Variants in UGT2B28 observed in about 807,000 individuals in gnomAD.
UGT2B28 encodes the protein UDP glucuronosyltransferase family 2 member B28.
Under a neutral mutation model 43.6 loss-of-function variants are expected in UGT2B28, and 45 were observed. The observed-to-expected ratio is 1.03, with a 90% CI of 0.81 to 1.32. UGT2B28 has a LOEUF of 1.32. Ranked by LOEUF, UGT2B28 falls within the 40% of genes most tolerant of loss-of-function variation. The pLI is 0.00. For missense variants in UGT2B28, 649 were observed against 625.5 expected, an observed-to-expected ratio of 1.04 and a Z score of -0.40; for synonymous variants, 204 against 208.1, an observed-to-expected ratio of 0.98 and a Z score of 0.17.
chr4:69,287,467 A>G lies in UGT2B28; in HGVS notation c.1002+584A>G, dbSNP rs1169272224. On this transcript the variant is annotated intron_variant, in intron 3 of 5. Coordinates refer to ENST00000335568, the MANE Select transcript of UGT2B28 (RefSeq NM_053039.2). ...TGGAAGCTCTTGGTGAATGTTTACA[A>G]TTAAGGAATGTACTATTTCTGTTTG... Among the ~76,000 whole-genome samples, 2 of 140,986 alleles carry G rather than the reference A, an allele frequency of 1.4e-5. 1 individual carries two copies. Among genetic ancestry groups the G allele is most frequent in the African/African-American group, 5.5e-5 (2 of 36,116 alleles). 92.5% of individuals were successfully genotyped at this position (140,986 alleles called of 152,430 possible).
rs1281100507 is a variant in UGT2B28, at chr4:69,292,193, A to G, written c.1310+1382A>G. On this transcript the variant is annotated intron_variant, in intron 5 of 5. Coordinates refer to ENST00000335568, the MANE Select transcript of UGT2B28 (RefSeq NM_053039.2). ...TTTTTGATGATGGTCTTTGAAGCAC[A>G]AAAAATATAATTTTAAGTTAAAGTT... Among the ~76,000 whole-genome samples, 20 of 140,432 alleles carry G rather than the reference A, an allele frequency of 1.4e-4. 3 individuals carry two copies. The highest frequency in any genetic ancestry group is 1.4e-3 in the Admixed American group (19 of 14,006). 92.1% of individuals were successfully genotyped at this position (140,432 alleles called of 152,430 possible).
rs149950581 is a variant in UGT2B28 at position 69,280,985 on chromosome 4, C to A, written c.485C>A (p.Ala162Glu). Residue 162 changes from alanine (A) to glutamate (E), a missense_variant, in exon 1 of 6, where the codon GCG (alanine) becomes GAG (glutamate). Transcript: ENST00000335568. ...TTTCCTTGTGGTGAGCTGCTGGCTGCGCTACTTAACATACCGTTTGTGTAC... is the reference window on the plus strand; with the variant it reads ...TTTCCTTGTGGTGAGCTGCTGGCTGAGCTACTTAACATACCGTTTGTGTAC... ...AFFPCGELLA[A>E]LLNIPFVYSL... is the part of the protein sequence containing the mutation. The A allele has an allele frequency of 7.9e-5, 123 of 1,559,802 alleles. 23 individuals carry two copies. The African/African-American group carries it at 1.5e-3, about 19-fold the overall frequency.
chr4:69,294,880 A>C lies in UGT2B28; in HGVS notation c.*71A>C, dbSNP rs1295452014. 7.1e-7 allele frequency: 1 copy of C among 1,406,806 alleles called. No individual in the cohort carries two copies. Among genetic ancestry groups the C allele is most frequent in the African/African-American group, 1.6e-5 (1 of 61,052 alleles). The allele number at this position is 1,406,806 out of a possible 1,614,324, so 87.1% of individuals were successfully genotyped here. A position where few individuals can be genotyped will look rare whatever the true frequency, so the allele number is the denominator to read the frequency against. The stretch of plus-strand genomic sequence containing the variant: ...ATCAGTTTATTCCAGCAAGAAAGAA[A>C]AGATTGTTATGCAAGATTTCTTTCT... On this transcript the variant is annotated 3_prime_UTR_variant, in exon 6 of 6. Transcript: ENST00000335568.
chr4:69,293,553 T>C (rs1724013190), intron 5 of UGT2B28, among the ~76,000 whole-genome samples: 1 of 140,154 alleles, frequency 7.1e-6, no homozygotes, highest in Non-Finnish European at 1.5e-5. Context: ...AAGCCTCTCT[T>C]AGAGGTAACA....
chr4:69,280,785 G>A lies in UGT2B28; in HGVS notation c.285G>A (p.Lys95=). The change falls in exon 1 of 6, where the codon AAG becomes AAA. Residue 95 remains lysine, a synonymous_variant. Transcript: ENST00000335568. ...AGAATATCATCATGCAACAGGTTAA[G>A]AGATGGTCAGACATTCAAAAAGATA... is the stretch of plus-strand genomic sequence containing the variant. ...EFENIIMQQV[K]RWSDIQKDSF... The A allele has an allele frequency of 6.4e-7, 1 of 1,569,344 alleles. No individual in the cohort carries two copies. The highest frequency in any genetic ancestry group is 8.6e-7 in the Non-Finnish European group (1 of 1,160,304).
intron 5 of UGT2B28, among the ~76,000 whole-genome samples, chr4:69,292,264 AT>A (rs1723977032): frequency 7.1e-6 from 1 of 140,374 alleles, no homozygotes; most frequent in Non-Finnish European, 1.5e-5. Flanking sequence ...AATGTGAAAA[AT>A]TCCTTGCGGA....
chr4:69,284,347 A>C (rs537219070), intron 2 of UGT2B28, among the ~76,000 whole-genome samples: 2 of 141,142 alleles, frequency 1.4e-5, no homozygotes, highest in East Asian at 2.0e-4. Context: ...ATCACATTTT[A>C]AGACATATGT....
rs141577258 is a variant in UGT2B28 at position 69,280,542 on chromosome 4, C to T, written c.42C>T (p.Leu14=). 1.7e-5 allele frequency: 26 copies of T among 1,559,198 alleles called. 5 individuals are homozygous for T. Among genetic ancestry groups the T allele is most frequent in the Admixed American group, 7.1e-5 (4 of 56,168 alleles). ...KWTSVLLLIH[L]GCYFSSGSCG... ...CTTCAGTTCTTCTGCTGATACATCT[C>T]GGTTGTTACTTTAGCTCTGGGAGTT... The change falls in exon 1 of 6, where the codon CTC becomes CTT. Residue 14 remains leucine, a synonymous_variant. Coordinates refer to ENST00000335568, the MANE Select transcript of UGT2B28 (RefSeq NM_053039.2).
rs1365541657 is a variant in UGT2B28 at position 69,292,438 on chromosome 4, A to G, written c.1310+1627A>G. ...TAAAGAAGATGGGAAATAATTGAAA[A>G]GCAACACAAACCAGCTTGGACAAAT... On this transcript the variant is annotated intron_variant, in intron 5 of 5. Coordinates refer to ENST00000335568, the MANE Select transcript of UGT2B28 (RefSeq NM_053039.2). Among the ~76,000 whole-genome samples, 2 of 140,680 alleles carry G rather than the reference A, an allele frequency of 1.4e-5. 1 individual carries two copies. Among genetic ancestry groups the G allele is most frequent in the African/African-American group, 5.5e-5 (2 of 36,142 alleles). The allele number at this position is 140,680 out of a possible 152,430, so 92.3% of individuals were successfully genotyped here.
At position 69,286,319 on chromosome 4, in the gene UGT2B28, A is replaced by T. The variant is rs1426416957; in HGVS notation, c.871-433A>T. 1.4e-5 allele frequency among the ~76,000 whole-genome samples: 2 copies of T among 141,224 alleles called. 1 individual carries two copies. Among genetic ancestry groups the T allele is most frequent in the East Asian group, 4.0e-4 (2 of 4,944 alleles). The allele number at this position is 141,224 out of a possible 152,430, so 92.6% of individuals were successfully genotyped here. A position where few individuals can be genotyped will look rare whatever the true frequency, so the allele number is the denominator to read the frequency against. On this transcript the variant is annotated intron_variant, in intron 2 of 5. Coordinates refer to ENST00000335568, the MANE Select transcript of UGT2B28 (RefSeq NM_053039.2). The stretch of plus-strand genomic sequence containing the variant: ...TCACTAATGGCTTCAAACTAAAAGA[A>T]TTCTACAGAAAACATGCCTGAAATA...
chr4:69,291,553 T>C (rs553560400), intron 5 of UGT2B28, among the ~76,000 whole-genome samples: 1 of 141,078 alleles, frequency 7.1e-6, no homozygotes, highest in South Asian at 2.4e-4. Flanking sequence ...TTTTACTTCA[T>C]ATTGTTTTGT....
intron 2 of UGT2B28, 65 bp from the exon 3 acceptor site, chr4:69,286,687 A>T (rs1387358272): frequency 1.3e-6 from 2 of 1,502,638 alleles, no homozygotes; most frequent in East Asian, 4.7e-5. Flanking sequence ...AATATTTGGT[A>T]CCAATTCTTT....
intron 1 of UGT2B28, 77 bp from the exon 2 acceptor site, chr4:69,282,437 A>G (rs1369921479): frequency 6.9e-7 from 1 of 1,448,566 alleles, no homozygotes; most frequent in Non-Finnish European, 9.1e-7. Context: ...TGCCTACATA[A>G]TTCTAACCCC....
At chr4:69,290,089 G>T (rs1295077705) in intron 4 of UGT2B28, among the ~76,000 whole-genome samples, 1 of 139,638 alleles carries the variant, frequency 7.2e-6, no homozygotes, top group African/African-American at 2.8e-5. Context: ...TATTTCAAAT[G>T]CCAGTAAATA....
In UGT2B28 at chr4:69,294,926, C is replaced by G. The variant is rs1343641888; in HGVS notation, c.*117C>G. ...TTTCTTCCTGTGACAAAAAAAAAAA[C>G]TTTTCAAAATCTACCTTGTCAAGTA... On this transcript the variant is annotated 3_prime_UTR_variant, in exon 6 of 6. Coordinates refer to ENST00000335568, the MANE Select transcript of UGT2B28 (RefSeq NM_053039.2). 7.1e-5 allele frequency: 90 copies of G among 1,273,238 alleles called. 6 individuals are homozygous for G. The highest frequency in any genetic ancestry group is 8.9e-5 in the Non-Finnish European group (88 of 985,544). The allele number at this position is 1,273,238 out of a possible 1,614,324, so 78.9% of individuals were successfully genotyped here.
intron 2 of UGT2B28, among the ~76,000 whole-genome samples, chr4:69,285,903 C>T (rs1723760872): frequency 7.1e-6 from 1 of 141,084 alleles, no homozygotes; most frequent in South Asian, 2.3e-4. Context: ...CTCTGAGACA[C>T]AACAAAGTGA....
intron 2 of UGT2B28, 104 bp downstream of exon 2, chr4:69,282,766 G>A: frequency 6.9e-7 from 1 of 1,449,016 alleles, no homozygotes; most frequent in East Asian, 2.5e-5. Flanking sequence ...AAAGAAAGAT[G>A]GGAAGTAGGT....
In UGT2B28 at chr4:69,290,077, T is replaced by G. The variant is rs1185550906; in HGVS notation, c.1090+325T>G. On this transcript the variant is annotated intron_variant, in intron 4 of 5. Coordinates refer to ENST00000335568, the MANE Select transcript of UGT2B28 (RefSeq NM_053039.2). ...CACCTGTTTTCTCCTCTCCTGCAGG[T>G]TTATTTCAAATGCCAGTAAATATAA... Among the ~76,000 whole-genome samples the G allele has an allele frequency of 3.6e-5, 5 of 140,162 alleles. 1 individual carries two copies. The highest frequency in any genetic ancestry group is 7.6e-5 in the Non-Finnish European group (5 of 65,742). The allele number at this position is 140,162 out of a possible 152,430, so 92.0% of individuals were successfully genotyped here. A position where few individuals can be genotyped will look rare whatever the true frequency, so the allele number is the denominator to read the frequency against.
In UGT2B28 at chr4:69,280,986, G is replaced by A. The variant is rs7689398; in HGVS notation, c.486G>A (p.Ala162=). The part of the protein sequence containing the change: ...AFFPCGELLA[A]LLNIPFVYSL... ...TTCCTTGTGGTGAGCTGCTGGCTGC[G>A]CTACTTAACATACCGTTTGTGTACA... The change falls in exon 1 of 6, where the codon GCG becomes GCA. Residue 162 remains alanine, a synonymous_variant. Coordinates refer to ENST00000335568, the MANE Select transcript of UGT2B28 (RefSeq NM_053039.2). 799,288 of 1,558,034 alleles carry A rather than the reference G, an allele frequency of 0.51. 260,244 individuals carry two copies. Among genetic ancestry groups the A allele is most frequent in the Non-Finnish European group, 0.54 (623,874 of 1,154,972 alleles).
Sources: gnomAD v4.1 joint callset for allele counts (sites outside exome capture counted in the v4.1 genomes callset) on GRCh38, gnomAD v4.1.1 for gene constraint, MANE v1.5 for transcripts, NCBI Gene and HGNC (gene_info 2026-07-23, HGNC 2026-07-21) for gene names.